Variants in THEM5 observed in about 807,000 individuals in gnomAD.
THEM5 encodes acyl-coenzyme A thioesterase THEM5.
A neutral mutation model predicts 24.2 loss-of-function variants in THEM5; 28 were observed. That is an observed-to-expected ratio of 1.16 (90% confidence interval 0.86 to 1.59). The LOEUF (loss-of-function observed/expected upper bound fraction) is 1.59, where lower values mean the gene tolerates loss of function less well. Ranked by LOEUF, THEM5 falls within the 40% of genes most tolerant of loss-of-function variation. THEM5 has a pLI of 0.00. For missense variants in THEM5, 260 were observed against 296.8 expected (o/e 0.88, Z 0.91); for synonymous variants, 87 against 114.5 (o/e 0.76, Z 1.53).
At chr1:151,852,564 C>T in intron 1 of THEM5, 105 bp from the exon 2 acceptor site, 3 of 1,064,870 alleles carry the variant, frequency 2.8e-6, no homozygotes, top group Non-Finnish European at 4.2e-6. Context: ...GCTTCTCAAT[C>T]CCTTCTGCCA....
chr1:151,850,729 G>A (rs182453176), intron 3 of THEM5, among the ~76,000 whole-genome samples: 20 of 152,306 alleles, frequency 1.3e-4, no homozygotes, highest in African/African-American at 4.8e-4. Flanking sequence ...GCAGCAGCCA[G>A]GCAGGACACC....
At chr1:151,852,518 C>A (rs563860011) in intron 1 of THEM5, 59 bp from the exon 2 acceptor site, 2 of 1,536,014 alleles carry the variant, frequency 1.3e-6, no homozygotes, top group Admixed American at 3.4e-5. Flanking sequence ...GCTGCCTGGG[C>A]TCGGGACCTC....
rs777555505 is a variant in THEM5, at chr1:151,851,107, T to G, written c.410A>C (p.Gln137Pro). 6.2e-6 allele frequency: 10 copies of G among 1,614,100 alleles called. No homozygotes were observed. Among genetic ancestry groups the G allele is most frequent in the African/African-American group, 1.3e-5 (1 of 74,936 alleles). The stretch of plus-strand genomic sequence containing the variant: ...TTGGAAAAGACAGACCGACTTCTTC[T>G]GGGTTGGCTGGAAAAAGATGACATA... Reference protein sequence around the residue: ...FEYVIFFQPTQKKSVCLFQPG... With the variant: ...FEYVIFFQPTPKKSVCLFQPG... Residue 137 changes from glutamine (Q) to proline (P), a missense_variant, in exon 3 of 6, where the codon CAG becomes CCG. Gln to Pro is a moderately conservative substitution (Grantham distance 76). Transcript: ENST00000368817.
Position 151,847,847 on chromosome 1 carries a change from GT to G in THEM5, c.590del (p.Asp197AlafsTer5). The G allele has an allele frequency of 6.2e-7, 1 of 1,614,094 alleles. No individual in the cohort carries two copies. ...GTTCTACGTCCATTACAACCAGAGAGTCCACGGGGATCAAGCTGGGAGACGA... is the reference window on the plus strand; with the variant it reads ...GTTCTACGTCCATTACAACCAGAGAGCCACGGGGATCAAGCTGGGAGACGA... ...NIRFKNLIPVDSLVVMDVELD... is the reference protein window; with the variant it reads ...NIRFKNLIPVXSLVVMDVELD... On this transcript the variant is annotated frameshift_variant, in exon 5 of 6. Transcript: ENST00000368817. LOFTEE classifies it high-confidence loss of function.
At chr1:151,851,885 C>T (rs1175222576) in intron 2 of THEM5, among the ~76,000 whole-genome samples, 1 of 152,048 alleles carries the variant, frequency 6.6e-6, no homozygotes, top group African/African-American at 2.4e-5. Context: ...TGCAGGGCCT[C>T]AGTGGAAGGG....
At position 151,852,455 on chromosome 1, in the gene THEM5, G is replaced by A. The variant is rs748722568; in HGVS notation, c.128C>T (p.Ser43Leu). ...GTCTGTCTTCTCTGGCAAGAATCTT[G>A]AGAACTGGGCAGGAAAAATCAGAAT... ...AFGSSTDSMF[S>L]RFLPEKTDLK... The change falls in exon 2 of 6, where the codon TCA becomes TTA. Residue 43 changes from serine to leucine, a missense_variant. Coordinates refer to ENST00000368817, the MANE Select transcript of THEM5 (RefSeq NM_182578.4). 15 of 1,614,044 alleles carry A rather than the reference G, an allele frequency of 9.3e-6. No homozygotes were observed. Among genetic ancestry groups the A allele is most frequent in the Middle Eastern group, 1.6e-4 (1 of 6,084 alleles).
At chr1:151,853,207 A>G (rs1183664519) in intron 1 of THEM5, among the ~76,000 whole-genome samples, 2 of 152,234 alleles carry the variant, frequency 1.3e-5, no homozygotes, top group African/African-American at 2.4e-5. Flanking sequence ...ACAGGAGGAA[A>G]GTCATTTGTT....
intron 1 of THEM5, among the ~76,000 whole-genome samples, 158 bp downstream of exon 1, chr1:151,853,285 T>C (rs981044164): frequency 1.3e-5 from 2 of 152,232 alleles, no homozygotes; most frequent in Non-Finnish European, 2.9e-5. Flanking sequence ...TGGGGGCAAC[T>C]TGGTATCCCA....
At chr1:151,847,458 T>C in intron 5 of THEM5, 44 bp from the exon 6 acceptor site, 1 of 1,613,202 alleles carries the variant, frequency 6.2e-7, no homozygotes, top group Non-Finnish European at 8.5e-7. Flanking sequence ...TGCACTGAGA[T>C]GGCTGGAGCT....
chr1:151,850,583 C>T (rs1040981757), intron 3 of THEM5, among the ~76,000 whole-genome samples: 8 of 152,176 alleles, frequency 5.3e-5, no homozygotes, highest in East Asian at 1.9e-4. Context: ...CTGTGCTTTA[C>T]GGTTCATGAG....
rs562694048 is a variant in THEM5 at position 151,847,856 on chromosome 1, G to T, written c.582C>A (p.Ile194=). 2 of 1,614,016 alleles carry T rather than the reference G, an allele frequency of 1.2e-6. No homozygotes were observed. Among genetic ancestry groups the T allele is most frequent in the South Asian group, 1.1e-5 (1 of 91,076 alleles). The part of the protein sequence containing the change: ...LSLNIRFKNL[I]PVDSLVVMDV... ...CCATTACAACCAGAGAGTCCACGGG[G>T]ATCAAGCTGGGAGACGAGGCAGCTT... Residue 194 remains isoleucine (I), a synonymous_variant, in exon 5 of 6, where the codon ATC becomes ATA. Coordinates refer to ENST00000368817, the MANE Select transcript of THEM5 (RefSeq NM_182578.4).
intron 4 of THEM5, 70 bp downstream of exon 4, chr1:151,848,112 C>T: frequency 6.5e-7 from 1 of 1,528,098 alleles, no homozygotes; most frequent in Non-Finnish European, 9.0e-7. Context: ...ACCCCAGCTG[C>T]CGAGGATGGC....
Position 151,852,327 on chromosome 1 carries a change from G to C in THEM5, c.256C>G (p.Pro86Ala). ...KTKSSGWIKL[P>A]SFKSNRDHIR... ...TGGTCTCTGTTGGACTTGAAGGAGG[G>C]CAGCTTGATCCAGCCGCTAGACTTA... Residue 86 changes from proline (P) to alanine (A), a missense_variant, in exon 2 of 6, where the codon CCC becomes GCC. Transcript: ENST00000368817. 1 of 1,614,122 alleles carries C rather than the reference G, an allele frequency of 6.2e-7. No homozygotes were observed. Among genetic ancestry groups the C allele is most frequent in the Non-Finnish European group, 8.5e-7 (1 of 1,180,028 alleles).
chr1:151,853,069 G>C (rs2101702534), intron 1 of THEM5, among the ~76,000 whole-genome samples: 1 of 152,342 alleles, frequency 6.6e-6, no homozygotes, highest in African/African-American at 2.4e-5. Context: ...ACGTAAGGAA[G>C]TCCTCTGTAG....
At chr1:151,849,452 T>C (rs571503776) in intron 3 of THEM5, among the ~76,000 whole-genome samples, 2 of 152,218 alleles carry the variant, frequency 1.3e-5, no homozygotes, top group African/African-American at 4.8e-5. Flanking sequence ...GACCAGTGGC[T>C]TTTCCAGACC....
At chr1:151,851,219 C>A (rs201309287) in intron 2 of THEM5, 28 bp from the exon 3 acceptor site, 64 of 1,613,728 alleles carry the variant, frequency 4.0e-5, no homozygotes, top group Non-Finnish European at 5.1e-5. Flanking sequence ...GTGTTGCAGC[C>A]GGAGAAGGGA....
At chr1:151,850,652 T>C (rs189887068) in intron 3 of THEM5, among the ~76,000 whole-genome samples, 2 of 152,140 alleles carry the variant, frequency 1.3e-5, no homozygotes, top group Admixed American at 6.5e-5. Context: ...TAGATATTAT[T>C]GCCCCAGGTT....
At chr1:151,853,025 T>C (rs1434735613) in intron 1 of THEM5, among the ~76,000 whole-genome samples, 1 of 152,222 alleles carries the variant, frequency 6.6e-6, no homozygotes, top group Non-Finnish European at 1.5e-5. Context: ...TGTGGTGCCA[T>C]GGCTGGGGCA....
At position 151,847,764 on chromosome 1, in the gene THEM5, TG is replaced by T. The variant is rs573414305; in HGVS notation, c.673del (p.Gln225SerfsTer97). ...TGAGGACTTGGCATAAACTGTCTGC[TG>T]GTCTCTGCTGTGGGCGATGCAGGAC... ...YMSCIAHSRDQQTVYAKSSGV... is the reference protein window; with the variant it reads ...YMSCIAHSRDXQTVYAKSSGV... On this transcript the variant is annotated frameshift_variant, in exon 5 of 6. Transcript: ENST00000368817. LOFTEE classifies it high-confidence loss of function. 1.9e-4 allele frequency: 310 copies of T among 1,613,954 alleles called. No homozygotes were observed. The African/African-American group carries it at 3.7e-3, about 19-fold the overall frequency.
Sources: allele counts gnomAD v4.1 joint callset (sites outside exome capture counted in the v4.1 genomes callset), GRCh38; gene constraint gnomAD v4.1.1; transcripts MANE v1.5; gene names NCBI Gene and HGNC (gene_info 2026-07-23, HGNC 2026-07-21).